Variants in GLI2 observed in about 807,000 individuals in gnomAD.
GLI2 encodes the protein transcription activator GLI2.
GLI2 carries 22 observed loss-of-function variants against 78.9 expected under a neutral mutation model. The observed-to-expected ratio is 0.28, with a 90% CI of 0.20 to 0.40. The LOEUF (loss-of-function observed/expected upper bound fraction) is 0.40. Ranked by LOEUF, GLI2 falls within the 10% of genes least tolerant of loss-of-function variation. The pLI is 1.00. For missense variants in GLI2, 2,097 were observed against 2,213.2 expected, an observed-to-expected ratio of 0.95 and a Z score of 1.05; for synonymous variants, 974 against 963.7, an observed-to-expected ratio of 1.01 and a Z score of -0.20.
At chr2:120,810,752 C>T (rs1017040511) in intron 2 of GLI2, among the ~76,000 whole-genome samples, 2 of 152,238 alleles carry the variant, frequency 1.3e-5, no homozygotes, top group African/African-American at 4.8e-5. Flanking sequence ...ACGTGGCGTT[C>T]TGGTCCTCCG....
intron 2 of GLI2, among the ~76,000 whole-genome samples, chr2:120,878,502 T>C (rs1293060633): frequency 6.6e-6 from 1 of 152,150 alleles, no homozygotes; most frequent in Non-Finnish European, 1.5e-5. Context: ...GAAATATTTA[T>C]GAAGAATCTT....
intron 2 of GLI2, among the ~76,000 whole-genome samples, chr2:120,837,098 A>C (rs1255569470): frequency 1.3e-5 from 2 of 152,174 alleles, no homozygotes; most frequent in African/African-American, 4.8e-5. Flanking sequence ...ACTAATCTTA[A>C]AAATCTTAAT....
At chr2:120,851,999 G>A (rs1049038184) in intron 2 of GLI2, among the ~76,000 whole-genome samples, 16 of 152,174 alleles carry the variant, frequency 1.1e-4, no homozygotes, top group Non-Finnish European at 1.6e-4. Flanking sequence ...GCATTGCCAC[G>A]TCTTGGAGAA....
intron 1 of GLI2, among the ~76,000 whole-genome samples, chr2:120,745,488 A>T (rs1682667407): frequency 6.6e-6 from 1 of 152,106 alleles, no homozygotes; most frequent in African/African-American, 2.4e-5. Context: ...CAGGCCTGGG[A>T]GCTGGAAGGA....
At chr2:120,875,105 C>G (rs1688670342) in intron 2 of GLI2, among the ~76,000 whole-genome samples, 1 of 152,242 alleles carries the variant, frequency 6.6e-6, no homozygotes, top group African/African-American at 2.4e-5. Flanking sequence ...TAAATGGCAT[C>G]AGGGAGCCTG....
Position 120,970,386 on chromosome 2 carries a change from G to C in GLI2, c.846-7G>C. The C allele has an allele frequency of 1.3e-6, 2 of 1,572,246 alleles. No homozygotes were observed. Among genetic ancestry groups the C allele is most frequent in the Non-Finnish European group, 1.8e-6 (2 of 1,142,440 alleles). On this transcript the variant is annotated splice_polypyrimidine_tract_variant and splice_region_variant and intron_variant, in intron 6 of 13. Transcript: ENST00000361492. ...ACCCCCACTTCCTTGTCTGCTCTCT[G>C]TTGCAGCCCAGCCTTCACCTTCCCC...
intron 2 of GLI2, among the ~76,000 whole-genome samples, chr2:120,843,590 G>A (rs1421585203): frequency 6.6e-6 from 1 of 152,214 alleles, no homozygotes; most frequent in Non-Finnish European, 1.5e-5. Context: ...TCTGTGTAGT[G>A]GATTGCAGGG....
intron 1 of GLI2, among the ~76,000 whole-genome samples, chr2:120,780,881 A>T (rs896977199): frequency 2.6e-5 from 4 of 152,116 alleles, no homozygotes; most frequent in African/African-American, 4.8e-5. Context: ...CAGCTTCTGG[A>T]CACCAGTGAG....
At position 120,897,361 on chromosome 2, in the gene GLI2, A is replaced by G. The variant is rs541248575; in HGVS notation, c.149-30000A>G. The stretch of plus-strand genomic sequence containing the variant: ...CTCAGTTTTGCTCAAGAGCCTGAAC[A>G]CTACCGCTTTCCTACTAAAGGCTAA... On this transcript the variant is annotated intron_variant, in intron 2 of 13. Coordinates refer to ENST00000361492, the MANE Select transcript of GLI2 (RefSeq NM_001374353.1). 1.4e-3 allele frequency among the ~76,000 whole-genome samples: 208 copies of G among 152,226 alleles called. 1 individual carries two copies. The highest frequency in any genetic ancestry group is 3.1e-3 in the Admixed American group (47 of 15,298).
chr2:120,983,849 T>A (rs1418094995), intron 11 of GLI2, among the ~76,000 whole-genome samples: 1 of 152,042 alleles, frequency 6.6e-6, no homozygotes, highest in African/African-American at 2.4e-5. Context: ...CCCCTCAGAG[T>A]CTCTATGGAC....
intron 2 of GLI2, among the ~76,000 whole-genome samples, chr2:120,852,787 G>T (rs138015831): frequency 6.6e-6 from 1 of 152,168 alleles, no homozygotes; most frequent in Non-Finnish European, 1.5e-5. Context: ...CGTATGCCTT[G>T]GTAGGTCATC....
chr2:120,888,906 T>G (rs1473969140), intron 2 of GLI2, among the ~76,000 whole-genome samples: 1 of 152,142 alleles, frequency 6.6e-6, no homozygotes, highest in Non-Finnish European at 1.5e-5. Flanking sequence ...TAGTTCTCCA[T>G]GTTGATGGCT....
chr2:120,925,162 C>T (rs1160421270), intron 2 of GLI2, among the ~76,000 whole-genome samples: 1 of 152,224 alleles, frequency 6.6e-6, no homozygotes, highest in Admixed American at 6.5e-5. Context: ...CCTTCCAGCA[C>T]TTGGTGGCTC....
chr2:120,988,741 G>A lies in GLI2; in HGVS notation c.2776G>A (p.Gly926Arg), dbSNP rs1312020540. The change falls in exon 14 of 14, where the codon GGG becomes AGG. Residue 926 changes from glycine (G) to arginine (R), a missense_variant. This residue lies in a region of GLI2 where 1,290 missense variants were observed against 1,261.7 expected (regional missense o/e 1.02). Transcript: ENST00000361492. ...RPLGPRRGSDGPTYGHGHAGA... is the reference protein window; with the variant it reads ...RPLGPRRGSDRPTYGHGHAGA... ...ACTGGGGCCGCGGCGTGGCAGCGAC[G>A]GGCCGACCTATGGCCACGGCCACGC... 6 of 1,207,798 alleles carry A rather than the reference G, an allele frequency of 5.0e-6. No individual in the cohort carries two copies. Among genetic ancestry groups the A allele is most frequent in the South Asian group, 5.0e-5 (2 of 39,868 alleles). 74.8% of individuals were successfully genotyped at this position (1,207,798 alleles called of 1,614,324 possible).
chr2:120,874,480 G>A (rs1178465492), intron 2 of GLI2, among the ~76,000 whole-genome samples: 3 of 152,230 alleles, frequency 2.0e-5, no homozygotes, highest in Non-Finnish European at 4.4e-5. Flanking sequence ...CCCTAGCCAT[G>A]CTGGCTTCTC....
intron 2 of GLI2, among the ~76,000 whole-genome samples, chr2:120,839,825 A>G (rs570801607): frequency 1.3e-5 from 2 of 152,282 alleles, no homozygotes; most frequent in East Asian, 1.9e-4. Context: ...GGCCTCCCAA[A>G]GTGCTGGGAT....
chr2:120,915,806 C>A (rs930298699), intron 2 of GLI2, among the ~76,000 whole-genome samples: 1 of 152,174 alleles, frequency 6.6e-6, no homozygotes, highest in Non-Finnish European at 1.5e-5. Flanking sequence ...AAAGCACAGA[C>A]CCCTGGATGC....
chr2:120,772,434 A>G (rs1023904616), intron 1 of GLI2, among the ~76,000 whole-genome samples: 2 of 152,182 alleles, frequency 1.3e-5, no homozygotes, highest in Non-Finnish European at 2.9e-5. Flanking sequence ...TTTGCTTTCT[A>G]TATGGGCTAG....
In GLI2 at chr2:120,907,943, G is replaced by A. The variant is rs149085042; in HGVS notation, c.149-19418G>A. On this transcript the variant is annotated intron_variant, in intron 2 of 13. Transcript: ENST00000361492. ...TCTTACTATCAGGAACGATGCAGCT[G>A]TGATGGGTGCTGCCCTCAAGGGGGA... is the stretch of plus-strand genomic sequence containing the variant. Among the ~76,000 whole-genome samples, 30 of 152,318 alleles carry A rather than the reference G, an allele frequency of 2.0e-4. 1 individual carries two copies. The East Asian group carries it at 5.8e-3, about 29-fold the overall frequency.
Sources: allele counts gnomAD v4.1 joint callset (sites outside exome capture counted in the v4.1 genomes callset), GRCh38; gene constraint gnomAD v4.1.1; regional missense constraint gnomAD v4.1.1; transcripts MANE v1.5; gene names NCBI Gene and HGNC (gene_info 2026-07-23, HGNC 2026-07-21).